SMARCAD1: variants seen among roughly 807,000 people sequenced by gnomAD.
SMARCAD1 encodes the protein SWI/SNF-related matrix-associated actin-dependent regulator of chromatin subfamily A containing DEAD/H box 1.
A neutral mutation model predicts 127.1 loss-of-function variants in SMARCAD1; 25 were observed. That is an observed-to-expected ratio of 0.20 (90% CI 0.14 to 0.27). SMARCAD1 has a LOEUF of 0.27. Ranked by LOEUF, SMARCAD1 falls within the 10% of genes least tolerant of loss-of-function variation. The probability of loss-of-function intolerance (pLI) is 1.00; values close to 1 mark genes in which losing one functional copy is unlikely to be tolerated. For missense variants in SMARCAD1, 807 were observed against 1,206.0 expected, an observed-to-expected ratio of 0.67 and a Z score of 4.90; for synonymous variants, 400 against 396.9, an observed-to-expected ratio of 1.01 and a Z score of -0.09.
intron 19 of SMARCAD1, 102 bp downstream of exon 19, chr4:94,279,152 A>G (rs1434421318): frequency 2.7e-6 from 4 of 1,493,072 alleles, no homozygotes; most frequent in Admixed American, 1.9e-5. Context: ...CTTTAACTAC[A>G]TATTTAAGAA....
At chr4:94,271,838 A>G (rs1212480755) in intron 11 of SMARCAD1, among the ~76,000 whole-genome samples, 2 of 152,346 alleles carry the variant, frequency 1.3e-5, no homozygotes, top group East Asian at 1.9e-4. Context: ...AAATGTAGAT[A>G]GTCTTTATAT....
rs1270238144 is a variant in SMARCAD1 at position 94,270,786 on chromosome 4, C to T, written c.1540C>T (p.His514Tyr). Reference protein sequence around the residue: ...GLNWLALVHKHGLNGILADEM... With the variant: ...GLNWLALVHKYGLNGILADEM... ...GAATTGGCTGGCATTGGTACATAAA[C>T]ATGGACTTAATGGCATTTTGGCAGA... Residue 514 changes from histidine (H) to tyrosine (Y), a missense_variant, in exon 11 of 24, where the codon CAT (histidine) becomes TAT (tyrosine). Around this residue, in one of 8 missense-constraint regions of SMARCAD1, gnomAD observed 148 missense variants for 313.2 expected, o/e 0.47. Coordinates refer to ENST00000354268, the MANE Select transcript of SMARCAD1 (RefSeq NM_020159.5). 9 of 1,613,514 alleles carry T rather than the reference C, an allele frequency of 5.6e-6. No homozygotes were observed. The highest frequency in any genetic ancestry group is 7.6e-6 in the Non-Finnish European group (9 of 1,179,626).
At chr4:94,233,722 A>C (rs1457768604) in intron 3 of SMARCAD1, among the ~76,000 whole-genome samples, 2 of 152,172 alleles carry the variant, frequency 1.3e-5, no homozygotes, top group Non-Finnish European at 2.9e-5. Flanking sequence ...GTTCGTTTCC[A>C]TCCCAGCTCA....
At chr4:94,241,122 A>G (rs1287448744) in intron 6 of SMARCAD1, 116 bp downstream of exon 6, 1 of 720,772 alleles carries the variant, frequency 1.4e-6, no homozygotes, top group Non-Finnish European at 2.4e-6. Context: ...TTCTATCACA[A>G]CTAAGGGAAT....
chr4:94,253,804 C>G (rs535754601), intron 9 of SMARCAD1: 1 of 660,634 alleles, frequency 1.5e-6, no homozygotes, highest in African/African-American at 2.0e-5. Flanking sequence ...AATATAAGAA[C>G]TCTTAAATTT....
intron 7 of SMARCAD1, among the ~76,000 whole-genome samples, chr4:94,250,246 A>T (rs1206768249): frequency 6.6e-6 from 1 of 151,952 alleles, no homozygotes; most frequent in African/African-American, 2.4e-5. Flanking sequence ...CCTCTGTTTA[A>T]TCCCATGATC....
chr4:94,246,254 G>A (rs1748404026), intron 6 of SMARCAD1, among the ~76,000 whole-genome samples: 1 of 151,852 alleles, frequency 6.6e-6, no homozygotes. Flanking sequence ...CGAGTAGCTG[G>A]GATTACAGGT....
Position 94,278,977 on chromosome 4 carries a change from C to G in SMARCAD1, c.2345C>G (p.Ala782Gly). The change falls in exon 19 of 24, where the codon GCC becomes GGC. Residue 782 changes from alanine to glycine, a missense_variant. Physicochemically the swap from Ala to Gly is moderately conservative, Grantham distance 60. Coordinates refer to ENST00000354268, the MANE Select transcript of SMARCAD1 (RefSeq NM_020159.5). ...GTCATGATGCAGTTGAGGAAAATGG[C>G]CAATCATCCTTTATTACATCGCCAA... is the stretch of plus-strand genomic sequence containing the variant. The part of the protein sequence containing the change: ...CNVMMQLRKM[A>G]NHPLLHRQYY... The G allele has an allele frequency of 6.2e-7, 1 of 1,613,920 alleles. No individual in the cohort carries two copies.
intron 9 of SMARCAD1, chr4:94,253,388 G>GA: frequency 7.9e-7 from 1 of 1,268,442 alleles, no homozygotes; most frequent in Non-Finnish European, 1.0e-6. Flanking sequence ...GAATGTGGCA[G>GA]AAATTTTACT....
At chr4:94,256,686 T>A (rs1750143645) in intron 9 of SMARCAD1, among the ~76,000 whole-genome samples, 1 of 152,142 alleles carries the variant, frequency 6.6e-6, no homozygotes, top group South Asian at 2.1e-4. Context: ...AACTGGTGAT[T>A]TCTGTAAAAT....
At chr4:94,220,467 C>T (rs955375042) in intron 2 of SMARCAD1, among the ~76,000 whole-genome samples, 11 of 152,046 alleles carry the variant, frequency 7.2e-5, no homozygotes, top group African/African-American at 1.2e-4. Context: ...AGATTGCTCT[C>T]GAACTCCTGA....
intron 15 of SMARCAD1, 97 bp downstream of exon 15, chr4:94,276,571 G>A: frequency 2.8e-6 from 4 of 1,436,036 alleles, no homozygotes; most frequent in Non-Finnish European, 3.8e-6. Flanking sequence ...GTATTATGTA[G>A]TTTAATATAT....
intron 9 of SMARCAD1, among the ~76,000 whole-genome samples, chr4:94,254,081 A>T (rs1267152280): frequency 6.6e-6 from 1 of 152,186 alleles, no homozygotes; most frequent in African/African-American, 2.4e-5. Context: ...ATGGTTGTAA[A>T]TACATTTTTT....
intron 8 of SMARCAD1, among the ~76,000 whole-genome samples, chr4:94,252,099 G>C (rs10000247): frequency 0.55 from 83,277 of 152,016 alleles, 23,326 homozygotes; most frequent in East Asian, 0.72. Context: ...ATCTGCCCGC[G>C]TCGGCCTCCC....
At chr4:94,281,419 T>C (rs1245711334) in intron 20 of SMARCAD1, 53 bp from the exon 21 acceptor site, 6 of 1,220,212 alleles carry the variant, frequency 4.9e-6, no homozygotes, top group Non-Finnish European at 4.9e-6. Context: ...TGTCAAGGCT[T>C]TGAGTAGTAA....
intron 20 of SMARCAD1, 149 bp from the exon 21 acceptor site, chr4:94,281,323 A>T: frequency 1.4e-6 from 1 of 695,012 alleles, no homozygotes; most frequent in Non-Finnish European, 2.6e-6. Context: ...GGTATTACTG[A>T]TTTGTATTAA....
intron 2 of SMARCAD1, among the ~76,000 whole-genome samples, chr4:94,215,556 G>C (rs1743033524): frequency 7.0e-6 from 1 of 143,340 alleles, no homozygotes; most frequent in African/African-American, 2.6e-5. Context: ...AGGAGTTTGA[G>C]GTTATGGTAA....
chr4:94,215,436 T>C (rs1293305838), intron 2 of SMARCAD1, among the ~76,000 whole-genome samples: 1 of 151,974 alleles, frequency 6.6e-6, no homozygotes, highest in Non-Finnish European at 1.5e-5. Context: ...GCTTGGGCAA[T>C]GTAGTGAGAC....
intron 7 of SMARCAD1, 79 bp downstream of exon 7, chr4:94,249,834 A>T: frequency 2.4e-6 from 2 of 835,816 alleles, no homozygotes; most frequent in Non-Finnish European, 4.1e-6. Flanking sequence ...GTTCAACCAC[A>T]TAAAAGCTTA....
Sources: allele counts gnomAD v4.1 joint callset (sites outside exome capture counted in the v4.1 genomes callset), GRCh38; gene constraint gnomAD v4.1.1; regional missense constraint gnomAD v4.1.1; transcripts MANE v1.5; gene names NCBI Gene and HGNC (gene_info 2026-07-23, HGNC 2026-07-21).